The following TMPRSS3 variants were observed in gnomAD, a reference collection of about 807,000 sequenced individuals.
TMPRSS3 encodes the protein transmembrane serine protease 3, also known as transmembrane protease serine 3.
A neutral mutation model predicts 59.6 loss-of-function variants in TMPRSS3; 55 were observed. The observed-to-expected ratio is 0.92, with a 90% CI of 0.74 to 1.16. The LOEUF (loss-of-function observed/expected upper bound fraction) is 1.16. Ranked by LOEUF, TMPRSS3 falls within the 50% of genes most tolerant of loss-of-function variation. The probability of loss-of-function intolerance (pLI) is 0.00; values close to 1 mark genes in which losing one functional copy is unlikely to be tolerated. For missense variants in TMPRSS3, 596 were observed against 579.4 expected (o/e 1.03, Z -0.29); for synonymous variants, 257 against 237.7 (o/e 1.08, Z -0.75).
intron 10 of TMPRSS3, among the ~76,000 whole-genome samples, chr21:42,378,049 G>C (rs1427063044): frequency 6.6e-6 from 1 of 152,234 alleles, no homozygotes; most frequent in African/African-American, 2.4e-5. Flanking sequence ...AGAGGAAGGG[G>C]AGCGTAGATT....
At chr21:42,380,260 C>T (rs755619195) in intron 9 of TMPRSS3, 48 bp from the exon 10 acceptor site, 68 of 1,487,754 alleles carry the variant, frequency 4.6e-5, no homozygotes, top group South Asian at 1.4e-4. Flanking sequence ...AGCAGGAGTC[C>T]GAGAAAACAA....
At chr21:42,389,136 G>A (rs1260336627) in intron 3 of TMPRSS3, 91 bp from the exon 4 acceptor site, 3 of 1,583,106 alleles carry the variant, frequency 1.9e-6, no homozygotes, top group East Asian at 2.3e-5. Context: ...TGCGGAGCTG[G>A]CCCGTGAATA....
rs1292183009 is a variant in TMPRSS3 at position 42,382,107 on chromosome 21, C to A, written c.910G>T (p.Asp304Tyr). The change falls in exon 9 of 13, where the codon GAC becomes TAC. Residue 304 changes from aspartate (D) to tyrosine (Y), a missense_variant. Physicochemically the swap from Asp to Tyr is radical, Grantham distance 160. Transcript: ENST00000644384. Reference protein sequence around the residue: ...SKYKPKRLGNDIALMKLAGPL... With the variant: ...SKYKPKRLGNYIALMKLAGPL... ...CCGGCCAGCTTCATAAGGGCGATGT[C>A]ATTGCCCAGCCTCTTTGGCTTGTAC... is the stretch of plus-strand genomic sequence containing the variant. 1 of 1,614,106 alleles carries A rather than the reference C, an allele frequency of 6.2e-7. No homozygotes were observed. The highest frequency in any genetic ancestry group is 8.5e-7 in the Non-Finnish European group (1 of 1,180,050).
At chr21:42,389,194 C>G in intron 3 of TMPRSS3, 149 bp from the exon 4 acceptor site, 1 of 1,497,654 alleles carries the variant, frequency 6.7e-7, no homozygotes, top group Non-Finnish European at 9.0e-7. Context: ...CTGTTTCCTG[C>G]AGCCCAGTTT....
At chr21:42,387,055 C>T (rs1264674501) in intron 5 of TMPRSS3, among the ~76,000 whole-genome samples, 1 of 151,110 alleles carries the variant, frequency 6.6e-6, no homozygotes, top group Non-Finnish European at 1.5e-5. Context: ...GAATATTTTA[C>T]CAAACGGGCT....
Position 42,382,110 on chromosome 21 carries a change from T to C in TMPRSS3, c.907A>G (p.Asn303Asp). Residue 303 changes from asparagine (N) to aspartate (D), a missense_variant, in exon 9 of 13, where the codon AAT becomes GAT. By Grantham distance (23) the Asn-to-Asp change is conservative. Transcript: ENST00000644384. Reference sequence around the variant, plus strand: ...GCCAGCTTCATAAGGGCGATGTCATTGCCCAGCCTCTTTGGCTTGTACTTG... The same window carrying C: ...GCCAGCTTCATAAGGGCGATGTCATCGCCCAGCCTCTTTGGCTTGTACTTG... ...HSKYKPKRLG[N>D]DIALMKLAGP... The C allele has an allele frequency of 6.2e-7, 1 of 1,614,238 alleles. No homozygotes were observed. Among genetic ancestry groups the C allele is most frequent in the Non-Finnish European group, 8.5e-7 (1 of 1,180,026 alleles).
intron 2 of TMPRSS3, among the ~76,000 whole-genome samples, chr21:42,393,413 T>TA (rs1343124096): frequency 6.6e-6 from 1 of 152,190 alleles, no homozygotes; most frequent in African/African-American, 2.4e-5. Context: ...TGTGTAAACT[T>TA]AGACACCGGA....
At chr21:42,383,857 AC>A in intron 7 of TMPRSS3, 112 bp downstream of exon 7, 1 of 1,144,266 alleles carries the variant, frequency 8.7e-7, no homozygotes, top group East Asian at 2.4e-5. Flanking sequence ...CCCGCCTGGC[AC>A]CCAGGAGGAA....
chr21:42,374,624 G>A (rs889468217), intron 12 of TMPRSS3, among the ~76,000 whole-genome samples: 2 of 152,140 alleles, frequency 1.3e-5, no homozygotes, highest in Non-Finnish European at 2.9e-5. Flanking sequence ...GGTGCCGCGT[G>A]TCTTTTGGGA....
chr21:42,382,294 C>T (rs1400558552), intron 8 of TMPRSS3, 60 bp from the exon 9 acceptor site: 26 of 1,457,546 alleles, frequency 1.8e-5, no homozygotes, highest in Non-Finnish European at 2.5e-5. Context: ...AACTCATTGA[C>T]CTCAGGTATC....
intron 5 of TMPRSS3, among the ~76,000 whole-genome samples, chr21:42,386,084 T>G (rs10887973): frequency 0.44 from 66,378 of 151,994 alleles, 16,249 homozygotes; most frequent in African/African-American, 0.67. Flanking sequence ...CCCAGCTCAT[T>G]TTTACAGTGC....
At chr21:42,391,375 A>C (rs2052732361) in intron 2 of TMPRSS3, among the ~76,000 whole-genome samples, 1 of 152,164 alleles carries the variant, frequency 6.6e-6, no homozygotes. Context: ...ACCATTCTCC[A>C]CAATTGCTGT....
At chr21:42,378,384 T>C (rs982133968) in intron 10 of TMPRSS3, among the ~76,000 whole-genome samples, 3 of 152,244 alleles carry the variant, frequency 2.0e-5, no homozygotes, top group African/African-American at 4.8e-5. Flanking sequence ...CCTGCCACTA[T>C]GGAGCCCAAC....
intron 12 of TMPRSS3, among the ~76,000 whole-genome samples, chr21:42,373,431 A>T (rs993089245): frequency 2.0e-5 from 3 of 152,206 alleles, no homozygotes; most frequent in Non-Finnish European, 4.4e-5. Context: ...CGCCGGAGCC[A>T]GCGTCACAGA....
In TMPRSS3 at chr21:42,394,340, A is replaced by G. The variant is rs112538615; in HGVS notation, c.94+984T>C. Among the ~76,000 whole-genome samples the G allele has an allele frequency of 4.5e-3, 678 of 152,334 alleles. 7 individuals are homozygous for G. The highest frequency in any genetic ancestry group is 0.015 in the African/African-American group (642 of 41,574). On this transcript the variant is annotated intron_variant, in intron 2 of 12. Coordinates refer to ENST00000644384, the MANE Select transcript of TMPRSS3 (RefSeq NM_001256317.3). ...CTTGATGGAATACTGTGATTCCATA[A>G]GAAAAAATTTATAAAAACCTTTTAT... is the stretch of plus-strand genomic sequence containing the variant.
At chr21:42,390,706 C>A (rs1568890798) in intron 2 of TMPRSS3, among the ~76,000 whole-genome samples, 1 of 152,102 alleles carries the variant, frequency 6.6e-6, no homozygotes, top group Non-Finnish European at 1.5e-5. Context: ...CCAGCCTGGG[C>A]AACAAGAGCA....
chr21:42,392,449 G>A (rs775768211), intron 2 of TMPRSS3, among the ~76,000 whole-genome samples: 13 of 152,334 alleles, frequency 8.5e-5, no homozygotes, highest in Admixed American at 2.6e-4. Context: ...ATGAGAGACC[G>A]TGGCAAGTTC....
At position 42,384,190 on chromosome 21, in the gene TMPRSS3, C is replaced by A. The variant is rs192437963; in HGVS notation, c.573-177G>T. On this transcript the variant is annotated intron_variant, in intron 6 of 12. Coordinates refer to ENST00000644384, the MANE Select transcript of TMPRSS3 (RefSeq NM_001256317.3). The stretch of plus-strand genomic sequence containing the variant: ...AAAAAACCATGAGGATGAGGTCACA[C>A]AATTCATTGTAAAACACTCAACTAA... Among the ~76,000 whole-genome samples, 939 of 151,216 alleles carry A rather than the reference C, an allele frequency of 6.2e-3. 4 individuals are homozygous for A. The highest frequency in any genetic ancestry group is 9.8e-3 in the Non-Finnish European group (663 of 67,876).
intron 10 of TMPRSS3, among the ~76,000 whole-genome samples, chr21:42,377,683 A>G (rs541874531): frequency 6.6e-6 from 1 of 152,306 alleles, no homozygotes; most frequent in African/African-American, 2.4e-5. Flanking sequence ...TGGTGTTTTA[A>G]AGACTCCATA....
Sources: gnomAD v4.1 joint callset for allele counts (sites outside exome capture counted in the v4.1 genomes callset) on GRCh38, gnomAD v4.1.1 for gene constraint, MANE v1.5 for transcripts, NCBI Gene and HGNC (gene_info 2026-07-23, HGNC 2026-07-21) for gene names.